Variants in NALCN observed in about 807,000 individuals in gnomAD.
NALCN encodes the protein sodium leak channel, non-selective.
NALCN carries 111 observed loss-of-function variants against 225.3 expected under a neutral mutation model. The observed-to-expected ratio is 0.49, with a 90% confidence interval of 0.42 to 0.58. The LOEUF (loss-of-function observed/expected upper bound fraction) is 0.58. Ranked by LOEUF, NALCN falls within the 20% of genes least tolerant of loss-of-function variation. The pLI is 0.00. For synonymous variants in NALCN, 764 were observed against 769.0 expected, an observed-to-expected ratio of 0.99 and a Z score of 0.11; for missense variants, 1,378 against 2,202.4, an observed-to-expected ratio of 0.63 and a Z score of 7.49.
At chr13:101,314,770 G>A (rs2044492154) in intron 7 of NALCN, among the ~76,000 whole-genome samples, 2 of 152,166 alleles carry the variant, frequency 1.3e-5, no homozygotes, top group Admixed American at 1.3e-4. Context: ...CAGCCTTTAA[G>A]TTTCATTAAA....
intron 1 of NALCN, among the ~76,000 whole-genome samples, chr13:101,400,411 G>A (rs1364151467): frequency 6.6e-6 from 1 of 152,096 alleles, no homozygotes. Context: ...TCAGGAAAAC[G>A]TAGCACTGCA....
intron 31 of NALCN, 105 bp downstream of exon 31, chr13:101,083,606 A>G (rs2033776487): frequency 9.1e-7 from 1 of 1,097,688 alleles, no homozygotes; most frequent in Non-Finnish European, 1.3e-6. Context: ...CTTATGCACA[A>G]CCTCCCAGCG....
At chr13:101,360,745 C>G (rs976124074) in intron 6 of NALCN, among the ~76,000 whole-genome samples, 1 of 152,124 alleles carries the variant, frequency 6.6e-6, no homozygotes, top group South Asian at 2.1e-4. Context: ...AGATGGTTGT[C>G]CGTCCCAGAA....
rs370428527 is a variant in NALCN at position 101,368,412 on chromosome 13, A to T, written c.644+8288T>A. ...TTAATCCAGTCTATCATTGTTGGAC[A>T]TTTGGGTTGGTTCCAAGTCTTTGCT... On this transcript the variant is annotated intron_variant, in intron 6 of 43. Coordinates refer to ENST00000251127, the MANE Select transcript of NALCN (RefSeq NM_052867.4). The T allele has an allele frequency of 2.3e-4, 35 of 152,100 alleles. 1 individual carries two copies. In the East Asian group the frequency reaches 6.0e-3, roughly 26 times the overall value. The allele number at this position is 152,100 out of a possible 1,614,324, so 9.4% of individuals were successfully genotyped here.
chr13:101,293,518 A>G lies in NALCN; in HGVS notation c.800-1152T>C, dbSNP rs1330849736. Among the ~76,000 whole-genome samples the G allele has an allele frequency of 2.0e-5, 3 of 152,248 alleles. No individual in the cohort carries two copies. The East Asian group carries it at 5.8e-4, about 29-fold the overall frequency. ...AATTCTACTTCTATAAATAAGTTTT[A>G]TTATTACAGAATATAAAACCAATCT... On this transcript the variant is annotated intron_variant, in intron 7 of 43. Transcript: ENST00000251127.
chr13:101,229,714 AG>A lies in NALCN; in HGVS notation c.1435-131del. 8 of 727,512 alleles carry A rather than the reference AG, an allele frequency of 1.1e-5. No homozygotes were observed. The South Asian group carries it at 3.0e-4, about 27-fold the overall frequency. 45.1% of individuals were successfully genotyped at this position (727,512 alleles called of 1,614,324 possible). On this transcript the variant is annotated intron_variant, in intron 12 of 43. Coordinates refer to ENST00000251127, the MANE Select transcript of NALCN (RefSeq NM_052867.4). ...ATCATACCTCTCTATTTGAATATCT[AG>A]TGACTAAAATTAACAATAGAATAAC...
intron 15 of NALCN, among the ~76,000 whole-genome samples, chr13:101,150,557 T>C (rs1296333737): frequency 2.6e-5 from 4 of 152,002 alleles, no homozygotes; most frequent in South Asian, 2.1e-4. Context: ...TGTGTGTTGG[T>C]GGTGGGGGAT....
intron 18 of NALCN, 129 bp downstream of exon 18, chr13:101,124,479 C>T (rs1443524098): frequency 1.2e-6 from 1 of 808,602 alleles, no homozygotes; most frequent in African/African-American, 1.7e-5. Context: ...TACATAGATA[C>T]TCAAAGCTAC....
intron 15 of NALCN, among the ~76,000 whole-genome samples, chr13:101,173,579 G>T (rs1195208881): frequency 6.6e-6 from 1 of 152,092 alleles, no homozygotes; most frequent in East Asian, 1.9e-4. Flanking sequence ...TACTGAGCAA[G>T]AATTCAACCA....
intron 15 of NALCN, among the ~76,000 whole-genome samples, chr13:101,148,928 T>C (rs1460744128): frequency 2.2e-5 from 2 of 92,372 alleles, no homozygotes; most frequent in East Asian, 1.2e-3. Flanking sequence ...AAAATTAGAC[T>C]CCTGTGTCGT....
intron 10 of NALCN, among the ~76,000 whole-genome samples, chr13:101,265,642 G>C (rs35241529): frequency 0.21 from 31,757 of 152,138 alleles, 3,382 homozygotes; most frequent in East Asian, 0.35. Flanking sequence ...TCATTCCAAA[G>C]ATGTTGCTTG....
intron 1 of NALCN, among the ~76,000 whole-genome samples, chr13:101,413,981 G>A (rs1211316893): frequency 6.6e-6 from 1 of 151,928 alleles, no homozygotes; most frequent in African/African-American, 2.4e-5. Flanking sequence ...ACATCTCTGG[G>A]CTCACGCGAT....
chr13:101,404,161 C>T (rs1007408123), intron 1 of NALCN, among the ~76,000 whole-genome samples: 3 of 152,118 alleles, frequency 2.0e-5, no homozygotes, highest in South Asian at 2.1e-4. Flanking sequence ...TTCTCTTCAA[C>T]GTCCATCTAG....
chr13:101,151,578 A>C (rs1034601630), intron 15 of NALCN, among the ~76,000 whole-genome samples: 5 of 152,204 alleles, frequency 3.3e-5, no homozygotes, highest in Non-Finnish European at 5.9e-5. Context: ...AATCAGAAGA[A>C]AGGAGTCCCT....
Position 101,144,870 on chromosome 13 carries a change from G to A in NALCN, c.1866C>T (p.Asp622=), listed in dbSNP as rs773654748. ...KQLKQSEANA[D]TKEKLPLRLR... ...GGCGTAAAGGGAGCTTTTCTTTGGT[G>A]TCCGCATTTGCTTCACTTTGCTTTA... The change falls in exon 16 of 44, where the codon GAC becomes GAT. Residue 622 remains aspartate (D), a synonymous_variant. Transcript: ENST00000251127. The A allele has an allele frequency of 6.2e-7, 1 of 1,611,018 alleles. No homozygotes were observed. The highest frequency in any genetic ancestry group is 1.1e-5 in the South Asian group (1 of 90,208).
chr13:101,121,272 T>C (rs144269512), intron 18 of NALCN, among the ~76,000 whole-genome samples: 1,867 of 152,210 alleles, frequency 0.012, 18 homozygotes, highest in South Asian at 0.029. Flanking sequence ...TTGAAATTAA[T>C]TGTCTGTTTA....
chr13:101,218,019 C>T (rs1435401860), intron 13 of NALCN, among the ~76,000 whole-genome samples: 2 of 152,160 alleles, frequency 1.3e-5, no homozygotes, highest in East Asian at 1.9e-4. Flanking sequence ...ACAACATCTA[C>T]TCCTTCCCAT....
chr13:101,160,188 T>G (rs1208453347), intron 15 of NALCN, among the ~76,000 whole-genome samples: 1 of 152,156 alleles, frequency 6.6e-6, no homozygotes, highest in Admixed American at 6.5e-5. Context: ...TCTCCTGACC[T>G]TGTGATCTGC....
At chr13:101,149,629 T>C (rs1457415476) in intron 15 of NALCN, among the ~76,000 whole-genome samples, 2 of 152,200 alleles carry the variant, frequency 1.3e-5, no homozygotes, top group Non-Finnish European at 2.9e-5. Flanking sequence ...GGGAAGCTCT[T>C]TTTGGAGACT....
Sources: gnomAD v4.1 joint callset for allele counts (sites outside exome capture counted in the v4.1 genomes callset) on GRCh38, gnomAD v4.1.1 for gene constraint, MANE v1.5 for transcripts, NCBI Gene and HGNC (gene_info 2026-07-23, HGNC 2026-07-21) for gene names.